PREX1: variants seen among roughly 807,000 people sequenced by gnomAD.
PREX1 encodes phosphatidylinositol 3,4,5-trisphosphate-dependent Rac exchanger 1 protein.
PREX1 carries 41 observed loss-of-function variants against 198.3 expected under a neutral mutation model. That is an observed-to-expected ratio of 0.21 (90% CI 0.16 to 0.27). The LOEUF (loss-of-function observed/expected upper bound fraction) is 0.27, where lower values mean the gene tolerates loss of function less well. PREX1 is among the 10% of genes least tolerant of loss of function. PREX1 has a pLI of 1.00. For synonymous variants in PREX1, 843 were observed against 887.2 expected, an observed-to-expected ratio of 0.95 and a Z score of 0.89; for missense variants, 1,620 against 2,200.7, an observed-to-expected ratio of 0.74 and a Z score of 5.28.
chr20:48,796,609 T>C (rs1461112992), intron 1 of PREX1, among the ~76,000 whole-genome samples: 2 of 151,436 alleles, frequency 1.3e-5, no homozygotes, highest in East Asian at 3.9e-4. Flanking sequence ...CATTTATATA[T>C]TTATATATTT....
rs1414875631 is a variant in PREX1, at chr20:48,641,836, GAGAGAGGAAGGAAGGAAGGA to G, written c.3775+312_3775+331del. ...AAAGAAAGAAAGAAAGAGAGAGAGA[GAGAGAGGAAGGAAGGAAGGA>G]AGGAAGGAAGGAAGGAAGGAAGGAA... On this transcript the variant is annotated intron_variant, in intron 29 of 39. Coordinates refer to ENST00000371941, the MANE Select transcript of PREX1 (RefSeq NM_020820.4). 1.8e-3 allele frequency among the ~76,000 whole-genome samples: 216 copies of G among 116,862 alleles called. 4 individuals carry two copies. The highest frequency in any genetic ancestry group is 5.2e-3 in the African/African-American group (151 of 29,276). The allele number at this position is 116,862 out of a possible 152,430, so 76.7% of individuals were successfully genotyped here. A position where few individuals can be genotyped will look rare whatever the true frequency, so the allele number is the denominator to read the frequency against.
Position 48,655,298 on chromosome 20 carries a change from A to G in PREX1, c.2201T>C (p.Val734Ala), listed in dbSNP as rs201653100. 20 of 1,580,966 alleles carry G rather than the reference A, an allele frequency of 1.3e-5. No homozygotes were observed. Among genetic ancestry groups the G allele is most frequent in the Non-Finnish European group, 1.7e-5 (20 of 1,153,898 alleles). Residue 734 changes from valine to alanine, a missense_variant, in exon 19 of 40, where the codon GTG becomes GCG. Transcript: ENST00000371941. ...RGAAPPYVYA[V>A]GRGSEAMAAG... is the part of the protein sequence containing the mutation. ...CCAAGGCTCCCACTCACCTCTCCCC[A>G]CAGCATAGACGTACGGTGGGGCAGC... is the stretch of plus-strand genomic sequence containing the variant.
chr20:48,703,287 T>C lies in PREX1; in HGVS notation c.784-2401A>G, dbSNP rs1055380266. ...GACTGGGGAAGCAGCTTCCTTGTGG[T>C]CGAGAGCTGTGCAGCCGGGACAGGA... On this transcript the variant is annotated intron_variant, in intron 6 of 39. Transcript: ENST00000371941. 3.9e-5 allele frequency among the ~76,000 whole-genome samples: 6 copies of C among 152,178 alleles called. No homozygotes were observed. The South Asian group carries it at 1.2e-3, about 31-fold the overall frequency.
chr20:48,820,243 C>T (rs1279187281), intron 1 of PREX1, among the ~76,000 whole-genome samples: 1 of 152,238 alleles, frequency 6.6e-6, no homozygotes, highest in South Asian at 2.1e-4. Flanking sequence ...GAGGGCTCTG[C>T]TTCTTCCTTG....
At chr20:48,877,099 C>G in the PREX1 span, among the ~76,000 whole-genome samples, 3 of 151,874 alleles carry the variant, frequency 2.0e-5, no homozygotes, top group African/African-American at 4.8e-5. Flanking sequence ...GTGAAACCCC[C>G]TCTCTACTAA....
At chr20:48,795,866 C>T (rs1314329420) in intron 1 of PREX1, among the ~76,000 whole-genome samples, 4 of 152,228 alleles carry the variant, frequency 2.6e-5, no homozygotes, top group African/African-American at 9.6e-5. Context: ...GATTTAACCA[C>T]CTGCTCCACC....
At chr20:48,676,448 A>T (rs1424412382) in intron 13 of PREX1, among the ~76,000 whole-genome samples, 180 bp from the exon 14 acceptor site, 1 of 152,206 alleles carries the variant, frequency 6.6e-6, no homozygotes, top group Non-Finnish European at 1.5e-5. Context: ...GACCGAGGGC[A>T]GGGCTGTTCC....
At chr20:48,738,396 G>A (rs1353550011) in intron 3 of PREX1, among the ~76,000 whole-genome samples, 2 of 152,198 alleles carry the variant, frequency 1.3e-5, no homozygotes, top group African/African-American at 2.4e-5. Flanking sequence ...GGGGCCCAAC[G>A]CTTGAGGCTT....
chr20:48,866,005 A>G, the PREX1 span, among the ~76,000 whole-genome samples: 1 of 150,784 alleles, frequency 6.6e-6, no homozygotes, highest in African/African-American at 2.4e-5. Flanking sequence ...CTGGAGTGCA[A>G]TGGTGAGATC....
chr20:48,692,822 C>A, intron 7 of PREX1, 32 bp from the exon 8 acceptor site: 1 of 1,548,798 alleles, frequency 6.5e-7, no homozygotes, highest in Non-Finnish European at 8.9e-7. Flanking sequence ...GTGTCCCCTA[C>A]ACGTCACCTC....
At chr20:48,867,030 T>C in the PREX1 span, among the ~76,000 whole-genome samples, 1 of 152,106 alleles carries the variant, frequency 6.6e-6, no homozygotes, top group Non-Finnish European at 1.5e-5. Flanking sequence ...TTAAAATAAC[T>C]TTCTGGTTGA....
At chr20:48,789,767 C>T (rs943220634) in intron 1 of PREX1, among the ~76,000 whole-genome samples, 7 of 151,996 alleles carry the variant, frequency 4.6e-5, no homozygotes, top group African/African-American at 1.7e-4. Flanking sequence ...TTATACAAAT[C>T]ATAAGACTGA....
chr20:48,841,543 C>T, the PREX1 span, among the ~76,000 whole-genome samples: 2 of 152,112 alleles, frequency 1.3e-5, no homozygotes, highest in African/African-American at 2.4e-5. Flanking sequence ...TTGGTAAACG[C>T]TTGTTCTCAT....
chr20:48,834,617 T>A, the PREX1 span, among the ~76,000 whole-genome samples: 1 of 152,056 alleles, frequency 6.6e-6, no homozygotes, highest in Non-Finnish European at 1.5e-5. Flanking sequence ...TAGAGTGCAG[T>A]GGCACAATCA....
chr20:48,870,382 G>A, the PREX1 span, among the ~76,000 whole-genome samples: 7 of 152,114 alleles, frequency 4.6e-5, 1 homozygote, highest in South Asian at 6.2e-4. Context: ...TGAGTGACTC[G>A]CCTCAAGTTG....
At chr20:48,814,244 A>G (rs1471266874) in intron 1 of PREX1, among the ~76,000 whole-genome samples, 1 of 152,248 alleles carries the variant, frequency 6.6e-6, no homozygotes, top group African/African-American at 2.4e-5. Context: ...ATTAAGTGCT[A>G]ATCACCAGGG....
chr20:48,852,773 A>G, the PREX1 span, among the ~76,000 whole-genome samples: 1 of 152,252 alleles, frequency 6.6e-6, no homozygotes, highest in African/African-American at 2.4e-5. Flanking sequence ...TTGTCCATCA[A>G]TAGGGGACTA....
intron 11 of PREX1, among the ~76,000 whole-genome samples, chr20:48,680,663 C>T (rs1032420567): frequency 3.3e-5 from 5 of 151,980 alleles, no homozygotes; most frequent in African/African-American, 9.7e-5. Flanking sequence ...ACCATCATGC[C>T]CACCTGGGTC....
chr20:48,697,399 G>A (rs1013681774), intron 7 of PREX1, among the ~76,000 whole-genome samples: 2 of 103,488 alleles, frequency 1.9e-5, no homozygotes, highest in Non-Finnish European at 3.9e-5. Context: ...TTTTTTTTTT[G>A]AGACAGAGTC....
Sources: allele counts gnomAD v4.1 joint callset (sites outside exome capture counted in the v4.1 genomes callset), GRCh38; gene constraint gnomAD v4.1.1; transcripts MANE v1.5; gene names NCBI Gene and HGNC (gene_info 2026-07-23, HGNC 2026-07-21).